The following LY86 variants were observed in gnomAD, a reference collection of about 807,000 sequenced individuals.
LY86 encodes MD-1, RP105-associated.
In LY86, 20 loss-of-function variants were observed where a neutral mutation model predicts 17.3. The observed-to-expected ratio is 1.15, with a 90% CI of 0.81 to 1.68. The LOEUF (loss-of-function observed/expected upper bound fraction) is 1.68, where lower values mean the gene tolerates loss of function less well. LY86 is among the 40% of genes most tolerant of loss of function. The pLI, the probability that LY86 is intolerant of heterozygous loss-of-function variation, is 0.00. For missense variants in LY86, 200 were observed against 191.9 expected, an observed-to-expected ratio of 1.04 and a Z score of -0.25; for synonymous variants, 74 against 70.6, an observed-to-expected ratio of 1.05 and a Z score of -0.24.
At chr6:6,612,416 G>A (rs556050383) in intron 1 of LY86, among the ~76,000 whole-genome samples, 39 of 152,258 alleles carry the variant, frequency 2.6e-4, no homozygotes, top group South Asian at 2.1e-4. Flanking sequence ...AGTCTCACTG[G>A]CCTCATAAAA....
intron 3 of LY86, among the ~76,000 whole-genome samples, chr6:6,638,989 C>T (rs140620829): frequency 5.9e-5 from 9 of 151,910 alleles, no homozygotes; most frequent in African/African-American, 9.7e-5. Flanking sequence ...ATGTTTATTG[C>T]GGCACTATTC....
Position 6,626,363 on chromosome 6 carries a change from C to CTATA in LY86, c.297_298insATAT (p.Pro100IlefsTer5), listed in dbSNP as rs1761788355. On this transcript the variant is annotated frameshift_variant, in exon 3 of 5. Coordinates refer to ENST00000230568, the MANE Select transcript of LY86 (RefSeq NM_004271.4). LOFTEE classifies it high-confidence loss of function. ...AAGGCTCATCTGTTTTGAATTTCTCCTATCCCATCTGTGAGGCGGCTCTGC... is the reference window on the plus strand; with the variant it reads ...AAGGCTCATCTGTTTTGAATTTCTCCTATATATCCCATCTGTGAGGCGGCTCTGC... 2 of 1,613,870 alleles carry CTATA rather than the reference C, an allele frequency of 1.2e-6. No homozygotes were observed. The highest frequency in any genetic ancestry group is 2.2e-5 in the South Asian group (2 of 91,086).
At chr6:6,608,123 G>A (rs772742708) in intron 1 of LY86, among the ~76,000 whole-genome samples, 6 of 152,128 alleles carry the variant, frequency 3.9e-5, no homozygotes, top group East Asian at 1.9e-4. Context: ...AAATTTGCCC[G>A]TCACTGCCAC....
At chr6:6,637,198 A>G (rs572137995) in intron 3 of LY86, among the ~76,000 whole-genome samples, 23 of 152,094 alleles carry the variant, frequency 1.5e-4, no homozygotes, top group African/African-American at 5.3e-4. Context: ...TTTTTAGTAG[A>G]GACAGGGTTT....
In LY86 at chr6:6,654,894, A is replaced by T; in HGVS notation, c.*267A>T. 1 of 407,920 alleles carries T rather than the reference A, an allele frequency of 2.5e-6. No individual in the cohort carries two copies. The highest frequency in any genetic ancestry group is 4.4e-6 in the Non-Finnish European group (1 of 229,392). 25.3% of individuals were successfully genotyped at this position (407,920 alleles called of 1,614,324 possible). On this transcript the variant is annotated 3_prime_UTR_variant, in exon 5 of 5. Coordinates refer to ENST00000230568, the MANE Select transcript of LY86 (RefSeq NM_004271.4). ...CTTGAGGGTCCATCCTTTTTCTCTA[A>T]TTGGTCGCCTCCCACCAGACTCACC...
At chr6:6,646,201 T>A (rs1762104932) in intron 3 of LY86, among the ~76,000 whole-genome samples, 1 of 152,154 alleles carries the variant, frequency 6.6e-6, no homozygotes, top group Admixed American at 6.5e-5. Flanking sequence ...CACATATTAG[T>A]TACAGTGCCT....
chr6:6,650,110 A>T (rs925017171), intron 4 of LY86, among the ~76,000 whole-genome samples: 2 of 152,204 alleles, frequency 1.3e-5, no homozygotes, highest in Non-Finnish European at 2.9e-5. Flanking sequence ...TGCACAAGCC[A>T]TGAAGGCATG....
chr6:6,636,594 T>C (rs554911869), intron 3 of LY86, among the ~76,000 whole-genome samples: 1 of 152,330 alleles, frequency 6.6e-6, no homozygotes, highest in East Asian at 1.9e-4. Flanking sequence ...AGCAGGAAGA[T>C]GCCTTTGGTC....
intron 3 of LY86, among the ~76,000 whole-genome samples, chr6:6,643,147 A>C (rs536541186): frequency 1.2e-4 from 19 of 152,336 alleles, no homozygotes; most frequent in African/African-American, 4.6e-4. Flanking sequence ...ATCATATGGA[A>C]GTTCTATTTT....
intron 3 of LY86, among the ~76,000 whole-genome samples, chr6:6,630,606 G>A (rs1761884065): frequency 6.6e-6 from 1 of 152,216 alleles, no homozygotes; most frequent in African/African-American, 2.4e-5. Flanking sequence ...GCCCAAAGGA[G>A]GGAAGCTGCA....
At chr6:6,641,155 A>G (rs1354121377) in intron 3 of LY86, among the ~76,000 whole-genome samples, 3 of 152,256 alleles carry the variant, frequency 2.0e-5, no homozygotes, top group Admixed American at 1.3e-4. Flanking sequence ...GACATCCCCA[A>G]GTAACATTTA....
chr6:6,604,948 G>T (rs4391300), intron 1 of LY86, among the ~76,000 whole-genome samples: 3 of 151,402 alleles, frequency 2.0e-5, no homozygotes, highest in Non-Finnish European at 2.9e-5. Context: ...AATCAACGTA[G>T]AACCTAGAAT....
chr6:6,612,416 G>C (rs556050383), intron 1 of LY86, among the ~76,000 whole-genome samples: 16 of 152,258 alleles, frequency 1.1e-4, no homozygotes, highest in South Asian at 6.2e-4. Context: ...AGTCTCACTG[G>C]CCTCATAAAA....
chr6:6,595,344 AAGC>A (rs1407916016), intron 1 of LY86, among the ~76,000 whole-genome samples: 5 of 143,552 alleles, frequency 3.5e-5, no homozygotes, highest in African/African-American at 1.3e-4. Flanking sequence ...GAGAAATGAG[AAGC>A]AGGAGAGGAG....
At chr6:6,620,133 C>A (rs1442472414) in intron 1 of LY86, among the ~76,000 whole-genome samples, 2 of 151,926 alleles carry the variant, frequency 1.3e-5, no homozygotes, top group Non-Finnish European at 2.9e-5. Context: ...CAGGCACATA[C>A]ATGCGCTTGT....
rs573650922 is a variant in LY86, at chr6:6,607,154, C to T, written c.137-17772C>T. On this transcript the variant is annotated intron_variant, in intron 1 of 4. Transcript: ENST00000230568. ...GCTGGTGAGTGAACATTAAAGCATT[C>T]TCATGTCCTTGACCTGGTCTTTTTC... Among the ~76,000 whole-genome samples the T allele has an allele frequency of 1.6e-4, 24 of 152,346 alleles. 1 individual carries two copies. The Middle Eastern group carries it at 0.01, about 65-fold the overall frequency.
intron 1 of LY86, among the ~76,000 whole-genome samples, chr6:6,589,672 CTT>C (rs767401614): frequency 6.6e-6 from 1 of 152,184 alleles, no homozygotes; most frequent in Non-Finnish European, 1.5e-5. Flanking sequence ...TGAGACCTCT[CTT>C]CTTTGCTTCT....
chr6:6,633,557 G>A (rs993502280), intron 3 of LY86, among the ~76,000 whole-genome samples: 2 of 152,004 alleles, frequency 1.3e-5, no homozygotes, highest in African/African-American at 4.8e-5. Context: ...ACGTCTATTA[G>A]CTATTTTTCC....
At chr6:6,615,719 C>CAAAAAAAAAAAAAAAA (rs373207405) in intron 1 of LY86, among the ~76,000 whole-genome samples, 1 of 91,728 alleles carries the variant, frequency 1.1e-5, no homozygotes, top group African/African-American at 4.3e-5. Context: ...GATGTTGTCT[C>CAAAAAAAAAAAAAAAA]AAAAAAAAAA....
Sources: allele counts gnomAD v4.1 joint callset (sites outside exome capture counted in the v4.1 genomes callset), GRCh38; gene constraint gnomAD v4.1.1; transcripts MANE v1.5; gene names NCBI Gene and HGNC (gene_info 2026-07-23, HGNC 2026-07-21).